Variants in ASIC2 observed in about 807,000 individuals in gnomAD.
ASIC2 encodes the protein acid sensing ion channel subunit 2, also known as acid-sensing ion channel 2.
ASIC2 carries 25 observed loss-of-function variants against 57.3 expected under a neutral mutation model. The observed-to-expected ratio is 0.44, with a 90% CI of 0.32 to 0.61. ASIC2 has a LOEUF of 0.61. Ranked by LOEUF, ASIC2 falls within the 20% of genes least tolerant of loss-of-function variation. The pLI is 0.06. For synonymous variants in ASIC2, 319 were observed against 307.5 expected, an observed-to-expected ratio of 1.04 and a Z score of -0.39; for missense variants, 641 against 738.1, an observed-to-expected ratio of 0.87 and a Z score of 1.52.
chr17:33,701,194 GATGGACAGCCTAGGGTACTCTGAGAAGT>G (rs1015594370), intron 1 of ASIC2, among the ~76,000 whole-genome samples: 24 of 152,166 alleles, frequency 1.6e-4, no homozygotes, highest in African/African-American at 5.6e-4. Context: ...CTAGGATGCA[GATGGACAGCCTAGGGTACTCTGAGAAGT>G]ATGTTGTGTG....
chr17:33,343,152 C>G (rs1411827113), intron 1 of ASIC2, among the ~76,000 whole-genome samples: 1 of 152,256 alleles, frequency 6.6e-6, no homozygotes. Flanking sequence ...GCTGTGAGCC[C>G]CTCGGAGAGG....
chr17:33,439,553 C>G (rs1410489533), intron 1 of ASIC2, among the ~76,000 whole-genome samples: 1 of 152,064 alleles, frequency 6.6e-6, no homozygotes, highest in Non-Finnish European at 1.5e-5. Context: ...CTTCAGCTCC[C>G]CAAGATGTCT....
At chr17:33,932,859 A>G (rs930719902) in intron 1 of ASIC2, among the ~76,000 whole-genome samples, 2 of 150,908 alleles carry the variant, frequency 1.3e-5, no homozygotes, top group African/African-American at 4.9e-5. Context: ...CTATTGGGCA[A>G]TGCTGTCCTA....
chr17:33,977,671 A>T (rs1291236927), intron 1 of ASIC2, among the ~76,000 whole-genome samples: 1 of 152,112 alleles, frequency 6.6e-6, no homozygotes, highest in Non-Finnish European at 1.5e-5. Context: ...AATCCCCTAC[A>T]TCCTATACCG....
intron 1 of ASIC2, among the ~76,000 whole-genome samples, chr17:33,387,639 T>C (rs1193427416): frequency 6.6e-6 from 1 of 152,174 alleles, no homozygotes; most frequent in Non-Finnish European, 1.5e-5. Flanking sequence ...TGTCACCTAA[T>C]ATGGCAAAGA....
rs191154458 is a variant in ASIC2 at position 33,986,618 on chromosome 17, A to G, written c.555+169360T>C. On this transcript the variant is annotated intron_variant, in intron 1 of 9. Coordinates refer to the ASIC2 transcript ENST00000359872. ...GCAAGAACAATGTCATGGGAGGGAC[A>G]CTTACTTCCTGCTCTCCTGCAAAGG... is the stretch of plus-strand genomic sequence containing the variant. Among the ~76,000 whole-genome samples the G allele has an allele frequency of 4.6e-5, 7 of 152,252 alleles. No individual in the cohort carries two copies. The East Asian group carries it at 1.4e-3, about 29-fold the overall frequency.
At chr17:33,439,275 C>A (rs1911741686) in intron 1 of ASIC2, among the ~76,000 whole-genome samples, 1 of 152,098 alleles carries the variant, frequency 6.6e-6, no homozygotes. Context: ...GGGGACAAGG[C>A]CTCAAAGAAG....
intron 1 of ASIC2, among the ~76,000 whole-genome samples, chr17:33,939,510 T>G (rs1236415346): frequency 6.6e-6 from 1 of 152,166 alleles, no homozygotes; most frequent in South Asian, 2.1e-4. Flanking sequence ...CTCCTCTAAT[T>G]CCCTGGATCC....
intron 1 of ASIC2, among the ~76,000 whole-genome samples, chr17:33,655,091 G>C (rs1445705819): frequency 6.6e-6 from 1 of 152,156 alleles, no homozygotes; most frequent in Non-Finnish European, 1.5e-5. Flanking sequence ...TGGGACAAGT[G>C]GTAGCCCTTT....
At chr17:33,800,565 T>A (rs1033468238) in intron 1 of ASIC2, among the ~76,000 whole-genome samples, 4 of 152,122 alleles carry the variant, frequency 2.6e-5, no homozygotes, top group Admixed American at 1.3e-4. Flanking sequence ...TCCCTGACAA[T>A]CATAATAATC....
At chr17:33,624,791 G>A (rs1020090179) in intron 1 of ASIC2, among the ~76,000 whole-genome samples, 1 of 152,168 alleles carries the variant, frequency 6.6e-6, no homozygotes, top group Admixed American at 6.5e-5. Context: ...TTATCATAGG[G>A]CTAAGCATTT....
At chr17:33,131,132 T>C (rs2092344480) in intron 1 of ASIC2, among the ~76,000 whole-genome samples, 1 of 152,132 alleles carries the variant, frequency 6.6e-6, no homozygotes, top group East Asian at 1.9e-4. Flanking sequence ...GACGAGCCCA[T>C]GCAAAGACAG....
intron 1 of ASIC2, among the ~76,000 whole-genome samples, chr17:33,222,292 T>A (rs1907716466): frequency 6.6e-6 from 1 of 152,218 alleles, no homozygotes; most frequent in African/African-American, 2.4e-5. Context: ...TGGATGAACC[T>A]CTAAAACGTT....
rs187820582 is a variant in ASIC2, at chr17:33,348,955, G to A, written c.556-236888C>T. Among the ~76,000 whole-genome samples, 203 of 152,258 alleles carry A rather than the reference G, an allele frequency of 1.3e-3. 1 individual carries two copies. Among genetic ancestry groups the A allele is most frequent in the Non-Finnish European group, 2.0e-3 (136 of 68,012 alleles). The stretch of plus-strand genomic sequence containing the variant: ...ATCGGTGCTTCCCAGTCTCCAACAG[G>A]CAAACAAATCCACTAGGGATCCTGT... On this transcript the variant is annotated intron_variant, in intron 1 of 9. Coordinates refer to the ASIC2 transcript ENST00000359872.
intron 1 of ASIC2, among the ~76,000 whole-genome samples, chr17:34,016,660 C>A (rs1906993145): frequency 6.6e-6 from 1 of 152,176 alleles, no homozygotes; most frequent in Non-Finnish European, 1.5e-5. Flanking sequence ...GTGTGTGTAA[C>A]CTATCTTTAC....
chr17:33,915,909 C>T (rs918576189), intron 1 of ASIC2, among the ~76,000 whole-genome samples: 4 of 152,072 alleles, frequency 2.6e-5, no homozygotes, highest in Non-Finnish European at 2.9e-5. Context: ...CCTGAGGCCC[C>T]GTGGGGACAC....
At chr17:33,089,768 G>T (rs1350034594) in intron 2 of ASIC2, among the ~76,000 whole-genome samples, 1 of 152,220 alleles carries the variant, frequency 6.6e-6, no homozygotes, top group Non-Finnish European at 1.5e-5. Context: ...GTATGCCAAG[G>T]TGTTTGCCCC....
intron 1 of ASIC2, among the ~76,000 whole-genome samples, chr17:34,021,879 C>T (rs371757346): frequency 6.7e-6 from 1 of 149,016 alleles, no homozygotes; most frequent in Non-Finnish European, 1.5e-5. Flanking sequence ...GCTCTGTCAC[C>T]CGGGCTGGAG....
intron 1 of ASIC2, among the ~76,000 whole-genome samples, chr17:33,714,656 T>C (rs1213600374): frequency 6.6e-6 from 1 of 152,108 alleles, no homozygotes; most frequent in Non-Finnish European, 1.5e-5. Flanking sequence ...GCCTTTAGGC[T>C]TTGGAGGGAG....
Sources: gnomAD v4.1 joint callset for allele counts (sites outside exome capture counted in the v4.1 genomes callset) on GRCh38, gnomAD v4.1.1 for gene constraint, MANE v1.5 for transcripts, NCBI Gene and HGNC (gene_info 2026-07-23, HGNC 2026-07-21) for gene names.